The following LEKR1 variants were observed in gnomAD, a reference collection of about 807,000 sequenced individuals.
The protein encoded by LEKR1 is leucine, glutamate and lysine rich 1.
LEKR1 carries 59 observed loss-of-function variants against 72.4 expected under a neutral mutation model. The observed-to-expected ratio is 0.82, with a 90% confidence interval of 0.66 to 1.01. The LOEUF is 1.01. Among genes scored for constraint, LEKR1 ranks in the 50% least tolerant of loss-of-function variants. LEKR1 has a pLI of 0.00. For missense variants in LEKR1, 728 were observed against 759.2 expected (o/e 0.96, Z 0.48); for synonymous variants, 257 against 263.2 (o/e 0.98, Z 0.23).
chr3:156,915,563 A>C (rs1329893952), intron 3 of LEKR1, among the ~76,000 whole-genome samples: 1 of 151,882 alleles, frequency 6.6e-6, no homozygotes, highest in Non-Finnish European at 1.5e-5. Flanking sequence ...TCTTCTTTTG[A>C]GAAGTGTCTG....
intron 6 of LEKR1, among the ~76,000 whole-genome samples, chr3:156,954,795 C>T (rs1052278194): frequency 2.0e-5 from 3 of 151,992 alleles, no homozygotes; most frequent in Non-Finnish European, 4.4e-5. Flanking sequence ...TAGCATGATG[C>T]CTCCAGCTTT....
chr3:156,835,609 A>G (rs1305288974), intron 2 of LEKR1, among the ~76,000 whole-genome samples: 2 of 152,126 alleles, frequency 1.3e-5, no homozygotes, highest in African/African-American at 2.4e-5. Context: ...CCCAATCCAT[A>G]CTTTCCGGGT....
chr3:156,861,840 T>C (rs976964402), intron 3 of LEKR1, among the ~76,000 whole-genome samples: 3 of 152,056 alleles, frequency 2.0e-5, no homozygotes, highest in Admixed American at 2.0e-4. Flanking sequence ...AGATCTAAGA[T>C]CAGCTAATCT....
chr3:156,900,989 AATT>A (rs1192941536), intron 3 of LEKR1, among the ~76,000 whole-genome samples: 3 of 151,566 alleles, frequency 2.0e-5, no homozygotes, highest in African/African-American at 7.3e-5. Flanking sequence ...AATTTTTTTG[AATT>A]ATTAAAATTT....
At chr3:156,838,143 G>A (rs1477472340) in intron 2 of LEKR1, among the ~76,000 whole-genome samples, 2 of 152,166 alleles carry the variant, frequency 1.3e-5, no homozygotes, top group Admixed American at 6.5e-5. Context: ...CACTCAAAGT[G>A]GGGTGGGGTG....
Position 156,931,321 on chromosome 3 carries a change from C to T in LEKR1, c.559+3717C>T, listed in dbSNP as rs558553651. On this transcript the variant is annotated intron_variant, in intron 5 of 12. Transcript: ENST00000356539. ...CAACATTATTAGCTCATCTGCTTGACTAAAATGAAACAGTCTGATGGCAGC... is the reference window on the plus strand; with the variant it reads ...CAACATTATTAGCTCATCTGCTTGATTAAAATGAAACAGTCTGATGGCAGC... Among the ~76,000 whole-genome samples the T allele has an allele frequency of 1.6e-3, 241 of 152,200 alleles. 3 individuals are homozygous for T. The highest frequency in any genetic ancestry group is 5.7e-3 in the African/African-American group (235 of 41,534).
intron 12 of LEKR1, among the ~76,000 whole-genome samples, chr3:157,041,034 A>G (rs1735304262): frequency 6.6e-6 from 1 of 152,184 alleles, no homozygotes; most frequent in East Asian, 1.9e-4. Context: ...GAAATTGGCC[A>G]CTTTTTAATA....
chr3:157,003,990 C>A (rs1408165648), intron 9 of LEKR1, among the ~76,000 whole-genome samples: 2 of 151,994 alleles, frequency 1.3e-5, no homozygotes, highest in East Asian at 3.8e-4. Flanking sequence ...CTAACTATAT[C>A]AATGATTAAA....
intron 3 of LEKR1, among the ~76,000 whole-genome samples, chr3:156,863,436 G>A (rs529763284): frequency 9.9e-5 from 15 of 151,956 alleles, no homozygotes; most frequent in Non-Finnish European, 1.6e-4. Context: ...CATAACGCCT[G>A]AACAAACAAG....
chr3:157,016,116 G>A (rs1733305703), intron 10 of LEKR1, among the ~76,000 whole-genome samples: 1 of 152,076 alleles, frequency 6.6e-6, no homozygotes, highest in South Asian at 2.1e-4. Flanking sequence ...CCCAATATAT[G>A]TGTAATTGAA....
chr3:156,894,690 C>G (rs1576761967), intron 3 of LEKR1, among the ~76,000 whole-genome samples: 2 of 152,090 alleles, frequency 1.3e-5, no homozygotes, highest in South Asian at 4.2e-4. Context: ...GGTACAGAAA[C>G]AGATACATAA....
At chr3:156,946,320 T>C (rs1374180923) in intron 6 of LEKR1, among the ~76,000 whole-genome samples, 1 of 151,732 alleles carries the variant, frequency 6.6e-6, no homozygotes, top group Non-Finnish European at 1.5e-5. Flanking sequence ...TGAATTAGTT[T>C]ATCAGTTCTA....
intron 2 of LEKR1, among the ~76,000 whole-genome samples, chr3:156,842,309 A>C (rs942572568): frequency 2.6e-5 from 4 of 152,136 alleles, no homozygotes; most frequent in Non-Finnish European, 5.9e-5. Flanking sequence ...AAAGGACCTG[A>C]GATGTGTGGA....
chr3:156,893,055 G>A (rs556562690), intron 3 of LEKR1, among the ~76,000 whole-genome samples: 4 of 152,322 alleles, frequency 2.6e-5, no homozygotes, highest in African/African-American at 7.2e-5. Context: ...TTCTTGAGGG[G>A]CTCTGGAATT....
At chr3:157,000,682 T>C (rs1230502029) in intron 9 of LEKR1, among the ~76,000 whole-genome samples, 1 of 152,220 alleles carries the variant, frequency 6.6e-6, no homozygotes, top group Non-Finnish European at 1.5e-5. Context: ...GCACCGGCCA[T>C]GTAAGATATT....
chr3:156,832,358 A>C (rs1712530851), intron 2 of LEKR1, among the ~76,000 whole-genome samples: 1 of 152,228 alleles, frequency 6.6e-6, no homozygotes, highest in Non-Finnish European at 1.5e-5. Flanking sequence ...TAAGGCTGGA[A>C]TCTAATAACA....
intron 9 of LEKR1, among the ~76,000 whole-genome samples, chr3:157,007,101 C>T (rs992001598): frequency 5.3e-5 from 8 of 152,264 alleles, no homozygotes; most frequent in Admixed American, 4.6e-4. Flanking sequence ...ACTCGGGAGG[C>T]TGAGGCAGGA....
intron 9 of LEKR1, among the ~76,000 whole-genome samples, chr3:157,001,516 A>G (rs1432127614): frequency 1.3e-5 from 2 of 152,240 alleles, no homozygotes; most frequent in Non-Finnish European, 2.9e-5. Context: ...ATTCGCATGT[A>G]CATAAGAAAT....
intron 3 of LEKR1, among the ~76,000 whole-genome samples, chr3:156,913,457 C>G (rs934683239): frequency 1.3e-4 from 20 of 152,162 alleles, no homozygotes; most frequent in African/African-American, 4.1e-4. Context: ...AGAAATGCTA[C>G]TGATTTTTAA....
Sources: allele counts gnomAD v4.1 joint callset (sites outside exome capture counted in the v4.1 genomes callset), GRCh38; gene constraint gnomAD v4.1.1; transcripts MANE v1.5; gene names NCBI Gene and HGNC (gene_info 2026-07-23, HGNC 2026-07-21).